CERKL: variants seen among roughly 807,000 people sequenced by gnomAD.
CERKL encodes CERK like autophagy regulator.
CERKL carries 61 observed loss-of-function variants against 63.4 expected under a neutral mutation model. The ratio of observed to expected loss-of-function variants is 0.96; its 90% CI spans 0.78 to 1.19. The LOEUF (loss-of-function observed/expected upper bound fraction) is 1.19. CERKL is among the 50% of genes most tolerant of loss of function. The probability of loss-of-function intolerance (pLI) is 0.00; values close to 1 mark genes in which losing one functional copy is unlikely to be tolerated. For missense variants in CERKL, 675 were observed against 655.5 expected, an observed-to-expected ratio of 1.03 and a Z score of -0.33; for synonymous variants, 250 against 230.5, an observed-to-expected ratio of 1.08 and a Z score of -0.77.
At chr2:181,564,101 G>A (rs924254787) in intron 4 of CERKL, among the ~76,000 whole-genome samples, 1 of 151,980 alleles carries the variant, frequency 6.6e-6, no homozygotes, top group South Asian at 2.1e-4. Flanking sequence ...TATCCCTCGC[G>A]TGCCCAGTTC....
intron 2 of CERKL, 96 bp from the exon 3 acceptor site, chr2:181,573,980 T>A (rs981901260): frequency 1.4e-5 from 15 of 1,090,472 alleles, no homozygotes; most frequent in Non-Finnish European, 1.9e-5. Context: ...GAATGTTATA[T>A]GCATTTAAAT....
chr2:181,572,772 A>C (rs940376068), intron 3 of CERKL, among the ~76,000 whole-genome samples: 4 of 129,374 alleles, frequency 3.1e-5, no homozygotes, highest in African/African-American at 1.2e-4. Context: ...ACCTTCCTAC[A>C]AAACTTGCTT....
At chr2:181,633,224 C>G (rs1423595605) in intron 1 of CERKL, among the ~76,000 whole-genome samples, 1 of 152,090 alleles carries the variant, frequency 6.6e-6, no homozygotes, top group African/African-American at 2.4e-5. Context: ...CAGTTTCAGC[C>G]AAGTGGGGAC....
chr2:181,654,012 C>A (rs910422914), intron 1 of CERKL, among the ~76,000 whole-genome samples: 6 of 152,112 alleles, frequency 3.9e-5, no homozygotes, highest in African/African-American at 1.2e-4. Flanking sequence ...CAAATAGTAT[C>A]TCATAAATAT....
At chr2:181,579,672 C>T (rs372153015) in intron 2 of CERKL, among the ~76,000 whole-genome samples, 1 of 151,632 alleles carries the variant, frequency 6.6e-6, no homozygotes, top group Non-Finnish European at 1.5e-5. Flanking sequence ...TTTAAGAGTC[C>T]CCTTTTGAGA....
Position 181,544,738 on chromosome 2 carries a change from T to C in CERKL, c.1327A>G (p.Ile443Val). 6.2e-7 allele frequency: 1 copy of C among 1,609,162 alleles called. No individual in the cohort carries two copies. The highest frequency in any genetic ancestry group is 1.1e-5 in the South Asian group (1 of 90,206). The change falls in exon 11 of 13, where the codon ATA (isoleucine) becomes GTA (valine). Residue 443 changes from isoleucine to valine, a missense_variant. Coordinates refer to ENST00000410087, the MANE Select transcript of CERKL (RefSeq NM_201548.5). ...IARNTSRPEF[I>V]KHLKRYASVK... ...CTGGCATATCTTTTCAGGTGTTTTA[T>C]AAATTCTGGCCGAGAAGTGTTTCGG...
intron 6 of CERKL, 129 bp downstream of exon 6, chr2:181,549,505 T>G: frequency 1.4e-6 from 1 of 736,306 alleles, no homozygotes; most frequent in Non-Finnish European, 2.4e-6. Flanking sequence ...GGTTTTTTAG[T>G]CAAACATTTC....
chr2:181,543,642 C>T (rs1436273797), intron 11 of CERKL, among the ~76,000 whole-genome samples: 2 of 152,178 alleles, frequency 1.3e-5, no homozygotes, highest in African/African-American at 2.4e-5. Context: ...CTCTCCTCCT[C>T]CTCCCGTCTG....
At chr2:181,575,159 C>G (rs1689074800) in intron 2 of CERKL, among the ~76,000 whole-genome samples, 1 of 152,182 alleles carries the variant, frequency 6.6e-6, no homozygotes. Flanking sequence ...GGGGACCATG[C>G]CCAGGCATGC....
At chr2:181,612,465 T>C (rs1006929839) in intron 1 of CERKL, among the ~76,000 whole-genome samples, 12 of 152,172 alleles carry the variant, frequency 7.9e-5, no homozygotes, top group African/African-American at 2.9e-4. Flanking sequence ...TAGCTAAGTT[T>C]TGCCTTTTCT....
rs1241374922 is a variant in CERKL at position 181,539,238 on chromosome 2, G to A, written c.1392C>T (p.Tyr464=). The A allele has an allele frequency of 3.1e-6, 5 of 1,597,074 alleles. No homozygotes were observed. Among genetic ancestry groups the A allele is most frequent in the Non-Finnish European group, 4.3e-6 (5 of 1,164,806 alleles). ...NQFNFPFVET[Y]TVEEVKVHPR... ...GATGAACTTTTACTTCCTCAACAGTGTAAGTCTCAACAAATGGAAAATTGA... is the reference window on the plus strand; with the variant it reads ...GATGAACTTTTACTTCCTCAACAGTATAAGTCTCAACAAATGGAAAATTGA... Residue 464 remains tyrosine (Y), a synonymous_variant, in exon 12 of 13, where the codon TAC becomes TAT. Coordinates refer to ENST00000410087, the MANE Select transcript of CERKL (RefSeq NM_201548.5).
chr2:181,595,770 C>A (rs1685178263), intron 2 of CERKL, among the ~76,000 whole-genome samples: 1 of 152,134 alleles, frequency 6.6e-6, no homozygotes, highest in Non-Finnish European at 1.5e-5. Context: ...TTTTCTAAGT[C>A]ATGCATTGTT....
chr2:181,582,514 A>AAC (rs1684559680), intron 2 of CERKL, among the ~76,000 whole-genome samples: 1 of 124,402 alleles, frequency 8.0e-6, no homozygotes, highest in Admixed American at 8.6e-5. Flanking sequence ...AAATATTGTC[A>AAC]ACATATATAT....
chr2:181,627,657 A>C (rs182701467), intron 1 of CERKL, among the ~76,000 whole-genome samples: 4 of 152,322 alleles, frequency 2.6e-5, no homozygotes. Flanking sequence ...ATTTGATGAC[A>C]ATCATCTGGT....
At chr2:181,548,945 T>C in intron 6 of CERKL, 88 bp from the exon 7 acceptor site, 1 of 1,186,250 alleles carries the variant, frequency 8.4e-7, no homozygotes, top group South Asian at 1.3e-5. Flanking sequence ...TATTGGCTTA[T>C]AGGAGAATAT....
rs1329320857 is a variant in CERKL, at chr2:181,604,086, A to G, written c.239-7T>C. ...AAGTCATACTTAGAATCACCTGAAA[A>G]AAAAATAAATTTTCCAATTAAAACC... On this transcript the variant is annotated splice_polypyrimidine_tract_variant and splice_region_variant and intron_variant, in intron 1 of 12. Transcript: ENST00000410087. 1 of 1,588,946 alleles carries G rather than the reference A, an allele frequency of 6.3e-7. No individual in the cohort carries two copies. The highest frequency in any genetic ancestry group is 8.6e-7 in the Non-Finnish European group (1 of 1,159,854).
At chr2:181,565,828 G>C (rs916836402) in intron 4 of CERKL, among the ~76,000 whole-genome samples, 8 of 152,062 alleles carry the variant, frequency 5.3e-5, no homozygotes, top group African/African-American at 1.9e-4. Flanking sequence ...TCATTTCCCA[G>C]TATTTTAATA....
intron 2 of CERKL, 118 bp downstream of exon 2, chr2:181,603,719 G>A (rs756078573): frequency 4.8e-6 from 5 of 1,033,304 alleles, no homozygotes; most frequent in Non-Finnish European, 7.6e-6. Context: ...ACAAAAACTA[G>A]GAACAGAAGG....
At chr2:181,643,452 G>C (rs1687534551) in intron 1 of CERKL, among the ~76,000 whole-genome samples, 1 of 152,214 alleles carries the variant, frequency 6.6e-6, no homozygotes, top group Non-Finnish European at 1.5e-5. Context: ...AGATCCTGTA[G>C]TGCTTTTCAT....
Sources: gnomAD v4.1 joint callset for allele counts (sites outside exome capture counted in the v4.1 genomes callset) on GRCh38, gnomAD v4.1.1 for gene constraint, MANE v1.5 for transcripts, NCBI Gene and HGNC (gene_info 2026-07-23, HGNC 2026-07-21) for gene names.